The following KCNMA1 variants were observed in gnomAD, a reference collection of about 807,000 sequenced individuals.
The protein encoded by KCNMA1 is Calcium-activated potassium channel subunit alpha-1.
Under a neutral mutation model 140.0 loss-of-function variants are expected in KCNMA1, and 29 were observed. The observed-to-expected ratio is 0.21, with a 90% CI of 0.15 to 0.28. The LOEUF (loss-of-function observed/expected upper bound fraction) is 0.28. Among genes scored for constraint, KCNMA1 ranks in the 10% least tolerant of loss-of-function variants. The pLI is 1.00. For synonymous variants in KCNMA1, 612 were observed against 611.9 expected (o/e 1.00, Z 0.00); for missense variants, 880 against 1,602.2 (o/e 0.55, Z 7.70).
intron 5 of KCNMA1, among the ~76,000 whole-genome samples, chr10:77,163,611 A>T (rs1316560106): frequency 6.6e-6 from 1 of 152,224 alleles, no homozygotes; most frequent in Non-Finnish European, 1.5e-5. Context: ...GGTCTGGAGC[A>T]GCAGAAAGAG....
intron 3 of KCNMA1, among the ~76,000 whole-genome samples, chr10:77,185,222 G>C (rs2098839148): frequency 1.3e-5 from 2 of 151,910 alleles, no homozygotes; most frequent in Admixed American, 1.3e-4. Flanking sequence ...TACCCTGGAG[G>C]AAGGACAAGC....
chr10:77,406,876 C>T (rs2154471742), intron 1 of KCNMA1, among the ~76,000 whole-genome samples: 1 of 152,262 alleles, frequency 6.6e-6, no homozygotes, highest in South Asian at 2.1e-4. Context: ...CCCTGCTCCT[C>T]AGTCCTGGGG....
chr10:77,189,211 A>T (rs952853015), intron 3 of KCNMA1, among the ~76,000 whole-genome samples: 1 of 151,994 alleles, frequency 6.6e-6, no homozygotes, highest in Non-Finnish European at 1.5e-5. Context: ...CTCCCAAAAA[A>T]CCTTTCTTGC....
At chr10:76,969,296 A>AG (rs1291934243) in intron 20 of KCNMA1, among the ~76,000 whole-genome samples, 2 of 144,972 alleles carry the variant, frequency 1.4e-5, no homozygotes, top group East Asian at 2.0e-4. Flanking sequence ...GAAGGAAGGA[A>AG]GGAGGGAAGG....
At chr10:76,906,145 A>C (rs1383550926) in intron 25 of KCNMA1, among the ~76,000 whole-genome samples, 1 of 152,180 alleles carries the variant, frequency 6.6e-6, no homozygotes, top group Non-Finnish European at 1.5e-5. Flanking sequence ...GCTTGAGTCC[A>C]TGTCCAGTAT....
chr10:77,489,529 G>A (rs937397834), intron 1 of KCNMA1, among the ~76,000 whole-genome samples: 1 of 152,066 alleles, frequency 6.6e-6, no homozygotes, highest in Non-Finnish European at 1.5e-5. Flanking sequence ...AGTAGAGACA[G>A]GGTTTCACCA....
At chr10:77,362,017 G>C (rs1401820382) in intron 2 of KCNMA1, among the ~76,000 whole-genome samples, 1 of 152,192 alleles carries the variant, frequency 6.6e-6, no homozygotes, top group Non-Finnish European at 1.5e-5. Context: ...GCCAGGCCCA[G>C]GGTCTCCCTC....
intron 2 of KCNMA1, among the ~76,000 whole-genome samples, chr10:77,305,601 G>A (rs377491590): frequency 6.6e-6 from 1 of 152,162 alleles, no homozygotes; most frequent in African/African-American, 2.4e-5. Flanking sequence ...TTACGGAAAG[G>A]ACAGGCCTGA....
rs1324222200 is a variant in KCNMA1 at position 77,452,153 on chromosome 10, G to GAATTTCTCA, written c.379-48139_379-48131dup. ...CCACCTGGCCTCTGGAAGGAGGAAGGAATTTCTCATTCTCTGATCTTTTCG... is the reference window on the plus strand; with the variant it reads ...CCACCTGGCCTCTGGAAGGAGGAAGGAATTTCTCAAATTTCTCATTCTCTGATCTTTTCG... On this transcript the variant is annotated intron_variant, in intron 1 of 27. Transcript: ENST00000286628. Among the ~76,000 whole-genome samples the GAATTTCTCA allele has an allele frequency of 2.0e-5, 3 of 152,328 alleles. No individual in the cohort carries two copies. In the East Asian group the frequency reaches 5.8e-4, roughly 29 times the overall value.
At chr10:77,512,119 T>C (rs1231327867) in intron 1 of KCNMA1, among the ~76,000 whole-genome samples, 1 of 152,250 alleles carries the variant, frequency 6.6e-6, no homozygotes, top group Non-Finnish European at 1.5e-5. Context: ...CTGGGCCATA[T>C]GCCCTGGGCC....
chr10:77,026,380 G>A (rs1002427127), intron 16 of KCNMA1, among the ~76,000 whole-genome samples: 2 of 152,130 alleles, frequency 1.3e-5, no homozygotes, highest in African/African-American at 4.8e-5. Context: ...AAAGATTTGC[G>A]ATTTCGCAAC....
At chr10:77,615,893 A>G (rs1262820680) in intron 1 of KCNMA1, among the ~76,000 whole-genome samples, 1 of 152,202 alleles carries the variant, frequency 6.6e-6, no homozygotes, top group African/African-American at 2.4e-5. Context: ...ATCTAAAATA[A>G]AGGCCAACTT....
chr10:77,023,080 T>A, intron 16 of KCNMA1: 1 of 349,904 alleles, frequency 2.9e-6, no homozygotes, highest in South Asian at 2.2e-5. Context: ...GGTCCCTCCA[T>A]GAGAGGAGCA....
At chr10:77,266,537 T>G (rs2063493341) in intron 2 of KCNMA1, among the ~76,000 whole-genome samples, 3 of 152,220 alleles carry the variant, frequency 2.0e-5, no homozygotes, top group Non-Finnish European at 4.4e-5. Flanking sequence ...AGATTTTACT[T>G]TAAATGACAT....
intron 2 of KCNMA1, among the ~76,000 whole-genome samples, chr10:77,319,740 G>A (rs761963922): frequency 5.9e-5 from 9 of 152,232 alleles, no homozygotes; most frequent in Admixed American, 1.3e-4. Flanking sequence ...AGCCAGAGCA[G>A]TTCACCACTG....
At chr10:77,251,144 G>A (rs533795270) in intron 3 of KCNMA1, 51 bp downstream of exon 3, 4 of 1,373,424 alleles carry the variant, frequency 2.9e-6, no homozygotes, top group Non-Finnish European at 4.2e-6. Context: ...CAATGTAAAG[G>A]CTCATGATTG....
At chr10:76,947,812 T>C (rs2064659433) in intron 22 of KCNMA1, among the ~76,000 whole-genome samples, 1 of 152,248 alleles carries the variant, frequency 6.6e-6, no homozygotes, top group South Asian at 2.1e-4. Context: ...TGGCATCTAA[T>C]GAGTAACATG....
intron 1 of KCNMA1, among the ~76,000 whole-genome samples, chr10:77,439,439 A>T (rs1208266256): frequency 6.6e-6 from 1 of 152,064 alleles, no homozygotes; most frequent in East Asian, 1.9e-4. Context: ...GCTGGGGAGT[A>T]TGGGGGTGGG....
At chr10:77,184,770 G>A in intron 4 of KCNMA1, 53 bp downstream of exon 4, 1 of 1,106,050 alleles carries the variant, frequency 9.0e-7, no homozygotes, top group Non-Finnish European at 1.4e-6. Flanking sequence ...TGATCCCTGG[G>A]TCCCAGACTG....
Sources: gnomAD v4.1 joint callset for allele counts (sites outside exome capture counted in the v4.1 genomes callset) on GRCh38, gnomAD v4.1.1 for gene constraint, MANE v1.5 for transcripts, NCBI Gene and HGNC (gene_info 2026-07-23, HGNC 2026-07-21) for gene names.